The following RABGAP1L variants were observed in gnomAD, a reference collection of about 807,000 sequenced individuals.
RABGAP1L encodes the protein rab GTPase-activating protein 1-like.
Under a neutral mutation model 137.7 loss-of-function variants are expected in RABGAP1L, and 63 were observed. That is an observed-to-expected ratio of 0.46 (90% confidence interval 0.37 to 0.56). The LOEUF (loss-of-function observed/expected upper bound fraction) is 0.56, where lower values mean the gene tolerates loss of function less well. Ranked by LOEUF, RABGAP1L falls within the 20% of genes least tolerant of loss-of-function variation. The probability of loss-of-function intolerance (pLI) is 0.00; values close to 1 mark genes in which losing one functional copy is unlikely to be tolerated. For synonymous variants in RABGAP1L, 431 were observed against 433.7 expected (o/e 0.99, Z 0.08); for missense variants, 1,095 against 1,244.0 (o/e 0.88, Z 1.80).
At chr1:174,603,661 G>T (rs1420537177) in intron 13 of RABGAP1L, among the ~76,000 whole-genome samples, 1 of 152,012 alleles carries the variant, frequency 6.6e-6, no homozygotes, top group Non-Finnish European at 1.5e-5. Flanking sequence ...CTGGTATTGT[G>T]CTGGGTCACA....
intron 1 of RABGAP1L, among the ~76,000 whole-genome samples, chr1:174,190,914 G>T (rs1220954925): frequency 6.6e-6 from 1 of 152,118 alleles, no homozygotes; most frequent in Admixed American, 6.5e-5. Context: ...CAATATTGTT[G>T]TGTTTCAGGA....
intron 1 of RABGAP1L, among the ~76,000 whole-genome samples, chr1:174,206,662 CAAG>C (rs1668522606): frequency 6.6e-6 from 1 of 152,104 alleles, no homozygotes; most frequent in Non-Finnish European, 1.5e-5. Flanking sequence ...GATCTAAAAG[CAAG>C]AAGGAGGCTA....
At chr1:174,338,924 A>G (rs1230754180) in intron 11 of RABGAP1L, among the ~76,000 whole-genome samples, 1 of 152,136 alleles carries the variant, frequency 6.6e-6, no homozygotes, top group Non-Finnish European at 1.5e-5. Context: ...GAAAATATTT[A>G]CTATTTGGTT....
chr1:174,701,487 A>G (rs1175631024), intron 16 of RABGAP1L, among the ~76,000 whole-genome samples: 1 of 152,166 alleles, frequency 6.6e-6, no homozygotes, highest in Non-Finnish European at 1.5e-5. Flanking sequence ...CACACCTGTA[A>G]TCCCAGCACT....
Position 174,548,443 on chromosome 1 carries a change from G to A in RABGAP1L, c.1711-88932G>A, listed in dbSNP as rs963325637. 3 of 942,500 alleles carry A rather than the reference G, an allele frequency of 3.2e-6. No individual in the cohort carries two copies. The African/African-American group carries it at 5.3e-5, about 17-fold the overall frequency. The allele number at this position is 942,500 out of a possible 1,614,324, so 58.4% of individuals were successfully genotyped here. ...CTGAACTTGCTTTTGCTTATATATGGATATATCATATTATATGCCTAAGAT... is the reference window on the plus strand; with the variant it reads ...CTGAACTTGCTTTTGCTTATATATGAATATATCATATTATATGCCTAAGAT... On this transcript the variant is annotated intron_variant, in intron 13 of 25. Coordinates refer to ENST00000681986, the MANE Select transcript of RABGAP1L (RefSeq NM_001366446.1).
At chr1:174,950,068 A>G (rs1667480982) in intron 19 of RABGAP1L, among the ~76,000 whole-genome samples, 1 of 152,210 alleles carries the variant, frequency 6.6e-6, no homozygotes, top group Admixed American at 6.5e-5. Flanking sequence ...TGTGCACACC[A>G]CTAGGATTGA....
At chr1:174,540,148 T>C (rs189319747) in intron 13 of RABGAP1L, among the ~76,000 whole-genome samples, 23 of 152,266 alleles carry the variant, frequency 1.5e-4, no homozygotes, top group Admixed American at 1.1e-3. Context: ...TAGTTTGATT[T>C]TTTCTTGTAA....
At chr1:174,970,101 A>G (rs139221613) in intron 21 of RABGAP1L, among the ~76,000 whole-genome samples, 3 of 152,308 alleles carry the variant, frequency 2.0e-5, no homozygotes, top group Non-Finnish European at 2.9e-5. Context: ...CTGCCCAGAG[A>G]ATGGTTTTTT....
intron 11 of RABGAP1L, among the ~76,000 whole-genome samples, chr1:174,314,390 T>C (rs1169642087): frequency 6.6e-6 from 1 of 152,184 alleles, no homozygotes; most frequent in Admixed American, 6.5e-5. Flanking sequence ...TTTATCTGTA[T>C]CTTTTTGCTT....
intron 10 of RABGAP1L, 44 bp from the exon 11 acceptor site, chr1:174,304,938 TTTCC>T (rs773048408): frequency 7.0e-7 from 1 of 1,436,294 alleles, no homozygotes; most frequent in East Asian, 2.7e-5. Flanking sequence ...TCTTTCAATG[TTTCC>T]TTCAGATTTC....
chr1:174,828,433 A>G (rs1430770727), intron 19 of RABGAP1L, among the ~76,000 whole-genome samples: 2 of 147,904 alleles, frequency 1.4e-5, no homozygotes, highest in African/African-American at 4.9e-5. Context: ...CCAATATGCC[A>G]TGGCCTTGTC....
At chr1:174,523,996 T>C (rs1663655722) in intron 13 of RABGAP1L, among the ~76,000 whole-genome samples, 1 of 152,214 alleles carries the variant, frequency 6.6e-6, no homozygotes, top group Non-Finnish European at 1.5e-5. Flanking sequence ...TAGTCTTCCA[T>C]TGTATATATG....
Position 174,976,031 on chromosome 1 carries a change from C to G in RABGAP1L, c.2545-47C>G, listed in dbSNP as rs1053998889. The stretch of plus-strand genomic sequence containing the variant: ...GAAGATTTCCACACACTTTCTTTAC[C>G]CTCTGTATGACTGTGATGTATGACT... On this transcript the variant is annotated intron_variant, in intron 21 of 25. Transcript: ENST00000681986. 4.1e-6 allele frequency: 6 copies of G among 1,456,412 alleles called. No homozygotes were observed. In the African/African-American group the frequency reaches 8.5e-5, roughly 21 times the overall value. The allele number at this position is 1,456,412 out of a possible 1,614,324, so 90.2% of individuals were successfully genotyped here.
At chr1:174,699,026 G>A (rs1488570197) in intron 15 of RABGAP1L, among the ~76,000 whole-genome samples, 2 of 150,852 alleles carry the variant, frequency 1.3e-5, no homozygotes, top group African/African-American at 2.4e-5. Context: ...ACGGGGTCTC[G>A]CTCTGTCACC....
chr1:174,742,316 G>C (rs1362104475), intron 17 of RABGAP1L, among the ~76,000 whole-genome samples: 4 of 151,928 alleles, frequency 2.6e-5, no homozygotes, highest in African/African-American at 9.7e-5. Context: ...TCAGGAGTTC[G>C]AGACCAGCCT....
Position 174,448,777 on chromosome 1 carries a change from TTAC to T in RABGAP1L, c.1710+54634_1710+54636del. ...CTGCTGCCTTTGTTGTCTGCTTCAC[TTAC>T]TTCCACATTTTCAAAATTTGCCGTC... is the stretch of plus-strand genomic sequence containing the variant. On this transcript the variant is annotated intron_variant, in intron 13 of 25. Transcript: ENST00000681986. This position sits in a 1 kb window ranked among gnomAD's most constrained non-coding sequence, Gnocchi z 4.2. 6.2e-7 allele frequency: 1 copy of T among 1,613,964 alleles called. No individual in the cohort carries two copies. Among genetic ancestry groups the T allele is most frequent in the East Asian group, 2.2e-5 (1 of 44,884 alleles).
chr1:174,570,801 G>A (rs963167134), intron 13 of RABGAP1L, among the ~76,000 whole-genome samples: 1 of 152,162 alleles, frequency 6.6e-6, no homozygotes. Context: ...GGAGAAAAGA[G>A]AACCCTTGTA....
rs1018501453 is a variant in RABGAP1L, at chr1:174,305,370, A to T, written c.1465+243A>T. 7.9e-5 allele frequency among the ~76,000 whole-genome samples: 12 copies of T among 151,994 alleles called. No individual in the cohort carries two copies. In the East Asian group the frequency reaches 2.3e-3, roughly 29 times the overall value. On this transcript the variant is annotated intron_variant, in intron 11 of 25. Coordinates refer to ENST00000681986, the MANE Select transcript of RABGAP1L (RefSeq NM_001366446.1). ...CATCACTTGGCTGCTGTTGTTTTCTATTTTATTTCAATTATTTTTATTTTT... is the reference window on the plus strand; with the variant it reads ...CATCACTTGGCTGCTGTTGTTTTCTTTTTTATTTCAATTATTTTTATTTTT...
In RABGAP1L at chr1:174,811,860, A is replaced by C. The variant is rs781459042; in HGVS notation, c.2240A>C (p.Asp747Ala). Residue 747 changes from aspartate to alanine, a missense_variant, in exon 19 of 26, where the codon GAT (aspartate) becomes GCT (alanine). By Grantham distance (126) the Asp-to-Ala change is moderately radical. Coordinates refer to ENST00000681986, the MANE Select transcript of RABGAP1L (RefSeq NM_001366446.1). Reference protein sequence around the residue: ...KTSKEDLLQADFEGALKFFRV... With the variant: ...KTSKEDLLQAAFEGALKFFRV... ...TCAAAGGAAGACCTTCTGCAGGCTGATTTTGAAGGTGCTTTAAAGTTCTTT... is the reference window on the plus strand; with the variant it reads ...TCAAAGGAAGACCTTCTGCAGGCTGCTTTTGAAGGTGCTTTAAAGTTCTTT... 6.2e-7 allele frequency: 1 copy of C among 1,603,266 alleles called. No homozygotes were observed. Among genetic ancestry groups the C allele is most frequent in the Admixed American group, 1.7e-5 (1 of 58,980 alleles).
Sources: allele counts gnomAD v4.1 joint callset (sites outside exome capture counted in the v4.1 genomes callset), GRCh38; gene constraint gnomAD v4.1.1; non-coding constraint Gnocchi (gnomAD v3.1); transcripts MANE v1.5; gene names NCBI Gene and HGNC (gene_info 2026-07-23, HGNC 2026-07-21).